The following EIF2AK4 variants were observed in gnomAD, a reference collection of about 807,000 sequenced individuals.
EIF2AK4 encodes eukaryotic translation initiation factor 2 alpha kinase 4.
In EIF2AK4, 139 loss-of-function variants were observed where a neutral mutation model predicts 211.1. That is an observed-to-expected ratio of 0.66 (90% CI 0.57 to 0.76). The LOEUF (loss-of-function observed/expected upper bound fraction) is 0.76. EIF2AK4 is among the 30% of genes least tolerant of loss of function. The pLI is 0.00. For missense variants in EIF2AK4, 1,664 were observed against 2,043.8 expected (o/e 0.81, Z 3.58); for synonymous variants, 710 against 751.3 (o/e 0.94, Z 0.90).
chr15:40,029,549 A>T (rs1332394718), intron 34 of EIF2AK4, 85 bp downstream of exon 34: 1 of 1,354,738 alleles, frequency 7.4e-7, no homozygotes, highest in Non-Finnish European at 1.0e-6. Context: ...TGCTTGTGAC[A>T]CTGGAAATCT....
intron 12 of EIF2AK4, 190 bp downstream of exon 12, chr15:39,977,034 C>T (rs2034708387): frequency 3.4e-6 from 2 of 590,540 alleles, no homozygotes; most frequent in Non-Finnish European, 5.2e-6. Flanking sequence ...GCAACATCCG[C>T]CTCCCGGGCC....
rs142673662 is a variant in EIF2AK4, at chr15:39,973,535, T to C, written c.1661-57T>C. On this transcript the variant is annotated intron_variant, in intron 10 of 38. Coordinates refer to ENST00000263791, the MANE Select transcript of EIF2AK4 (RefSeq NM_001013703.4). ...AGGGCTTCCATCATTGTTGGCTATGTAGCTCTTCCTAAATTTCCAATGCCT... is the reference window on the plus strand; with the variant it reads ...AGGGCTTCCATCATTGTTGGCTATGCAGCTCTTCCTAAATTTCCAATGCCT... The C allele has an allele frequency of 5.3e-6, 8 of 1,517,142 alleles. No homozygotes were observed. The South Asian group carries it at 1.0e-4, about 19-fold the overall frequency. 94.0% of individuals were successfully genotyped at this position (1,517,142 alleles called of 1,614,324 possible).
intron 4 of EIF2AK4, among the ~76,000 whole-genome samples, chr15:39,952,450 A>T (rs1157786382): frequency 2.0e-5 from 3 of 151,864 alleles, no homozygotes; most frequent in East Asian, 3.9e-4. Flanking sequence ...TAATTTTAAA[A>T]TTTTTTTGTA....
At chr15:39,941,437 C>T (rs1339458539) in intron 2 of EIF2AK4, among the ~76,000 whole-genome samples, 5 of 152,060 alleles carry the variant, frequency 3.3e-5, no homozygotes, top group African/African-American at 1.2e-4. Flanking sequence ...CAGGAAATTC[C>T]AAGGGTGATA....
Position 39,985,801 on chromosome 15 carries a change from T to G in EIF2AK4, c.2320-4T>G, listed in dbSNP as rs17848516. The G allele has an allele frequency of 1.2e-3, 1,959 of 1,613,930 alleles. 16 individuals carry two copies. The East Asian group carries it at 0.018, about 15-fold the overall frequency. On this transcript the variant is annotated splice_region_variant and splice_polypyrimidine_tract_variant and intron_variant, in intron 13 of 38. Coordinates refer to ENST00000263791, the MANE Select transcript of EIF2AK4 (RefSeq NM_001013703.4). ...TGAGTTATTGTGTGTTCGTCTTGGGTTAGGATGAAGATTGCAATGAAAAGA... is the reference window on the plus strand; with the variant it reads ...TGAGTTATTGTGTGTTCGTCTTGGGGTAGGATGAAGATTGCAATGAAAAGA...
intron 32 of EIF2AK4, among the ~76,000 whole-genome samples, chr15:40,025,243 C>T (rs746307490): frequency 6.6e-6 from 1 of 152,200 alleles, no homozygotes; most frequent in Non-Finnish European, 1.5e-5. Context: ...ATGGTTATAG[C>T]TACATCATGG....
intron 20 of EIF2AK4, among the ~76,000 whole-genome samples, chr15:40,000,435 G>C (rs1028842657): frequency 6.6e-6 from 1 of 152,178 alleles, no homozygotes; most frequent in Non-Finnish European, 1.5e-5. Flanking sequence ...CAAAGGTTTA[G>C]ATTGCCTTCA....
chr15:39,967,766 T>C lies in EIF2AK4; in HGVS notation c.1440T>C (p.Asp480=), dbSNP rs747290906. The change falls in exon 9 of 39, where the codon GAT becomes GAC. Residue 480 remains aspartate (D), a synonymous_variant. Coordinates refer to ENST00000263791, the MANE Select transcript of EIF2AK4 (RefSeq NM_001013703.4). ...ALPYKTGKKG[D]VWRLGLLLLS... The stretch of plus-strand genomic sequence containing the variant: ...CTTATAAAACGGGGAAGAAAGGAGA[T>C]GTTTGGCGTCTTGGCCTTCTGCTGC... 2 of 1,614,126 alleles carry C rather than the reference T, an allele frequency of 1.2e-6. No individual in the cohort carries two copies. The highest frequency in any genetic ancestry group is 1.7e-6 in the Non-Finnish European group (2 of 1,180,028).
chr15:40,020,751 A>T, intron 30 of EIF2AK4, 148 bp from the exon 31 acceptor site: 5 of 561,762 alleles, frequency 8.9e-6, no homozygotes, highest in East Asian at 3.4e-5. Flanking sequence ...ATGTGTTTTG[A>T]AGCAAAGTCT....
intron 9 of EIF2AK4, among the ~76,000 whole-genome samples, chr15:39,968,199 C>G (rs1039107497): frequency 6.6e-6 from 1 of 152,190 alleles, no homozygotes; most frequent in African/African-American, 2.4e-5. Flanking sequence ...CAAATACTGA[C>G]CTTTGCTCTG....
At position 39,992,209 on chromosome 15, in the gene EIF2AK4, T is replaced by TAATC; in HGVS notation, c.2666_2667insAATC (p.Lys891AspfsTer2). ...AAACAAGACGATCAGACAGGAGACTTGATTAAGTCAGACCCTTCAGGTAAA... is the reference window on the plus strand; with the variant it reads ...AAACAAGACGATCAGACAGGAGACTTAATCGATTAAGTCAGACCCTTCAGGTAAA... On this transcript the variant is annotated frameshift_variant, in exon 17 of 39. Transcript: ENST00000263791. LOFTEE classifies it high-confidence loss of function. 1 of 1,612,288 alleles carries TAATC rather than the reference T, an allele frequency of 6.2e-7. No individual in the cohort carries two copies. Among genetic ancestry groups the TAATC allele is most frequent in the Non-Finnish European group, 8.5e-7 (1 of 1,179,134 alleles).
At chr15:39,963,034 A>G (rs1239429710) in intron 7 of EIF2AK4, among the ~76,000 whole-genome samples, 2 of 152,232 alleles carry the variant, frequency 1.3e-5, no homozygotes, top group African/African-American at 4.8e-5. Context: ...GGAGATACAA[A>G]TAAGCAAAAG....
At chr15:39,948,892 G>A (rs2034265665) in intron 3 of EIF2AK4, among the ~76,000 whole-genome samples, 1 of 152,208 alleles carries the variant, frequency 6.6e-6, no homozygotes, top group Non-Finnish European at 1.5e-5. Context: ...ATTTACCTAG[G>A]TAATGATCTG....
At chr15:39,990,046 T>A (rs1199416607) in intron 15 of EIF2AK4, among the ~76,000 whole-genome samples, 1 of 152,168 alleles carries the variant, frequency 6.6e-6, no homozygotes, top group Non-Finnish European at 1.5e-5. Flanking sequence ...CACAGGGAAC[T>A]ATTTAGAATT....
chr15:39,972,894 TC>T lies in EIF2AK4; in HGVS notation c.1554-11del. ...TGTTTGTGATGCTAAGATTCTTCCT[TC>T]CCTCTCACCGAGATGTGTGTGCTTG... On this transcript the variant is annotated splice_polypyrimidine_tract_variant and intron_variant, in intron 9 of 38. Transcript: ENST00000263791. The T allele has an allele frequency of 6.2e-7, 1 of 1,608,192 alleles. No individual in the cohort carries two copies. The highest frequency in any genetic ancestry group is 8.5e-7 in the Non-Finnish European group (1 of 1,174,906).
At chr15:39,935,483 C>T (rs1206648303) in intron 1 of EIF2AK4, among the ~76,000 whole-genome samples, 1 of 152,146 alleles carries the variant, frequency 6.6e-6, no homozygotes, top group Non-Finnish European at 1.5e-5. Flanking sequence ...GCACATGCCA[C>T]TACACCTGGT....
chr15:39,971,311 G>C (rs1226369573), intron 9 of EIF2AK4, among the ~76,000 whole-genome samples: 1 of 152,046 alleles, frequency 6.6e-6, no homozygotes, highest in Non-Finnish European at 1.5e-5. Context: ...ATCACTTGAG[G>C]TCAGGAGTTC....
chr15:39,993,103 TCCAC>T (rs1407679082), intron 18 of EIF2AK4, among the ~76,000 whole-genome samples: 68 of 139,618 alleles, frequency 4.9e-4, no homozygotes, highest in African/African-American at 1.8e-3. Context: ...CATCCATCCA[TCCAC>T]CCACCCATCC....
intron 27 of EIF2AK4, among the ~76,000 whole-genome samples, chr15:40,015,855 A>G (rs1164268395): frequency 1.3e-5 from 2 of 152,094 alleles, no homozygotes; most frequent in African/African-American, 4.8e-5. Context: ...TGGCTTTATG[A>G]CTATGGTTGT....
Sources: allele counts gnomAD v4.1 joint callset (sites outside exome capture counted in the v4.1 genomes callset), GRCh38; gene constraint gnomAD v4.1.1; transcripts MANE v1.5; gene names NCBI Gene and HGNC (gene_info 2026-07-23, HGNC 2026-07-21).